PEAK1: variants seen among roughly 807,000 people sequenced by gnomAD.
PEAK1 encodes the protein pseudopodium enriched atypical kinase 1.
In PEAK1, 54 loss-of-function variants were observed where a neutral mutation model predicts 124.7. That is an observed-to-expected ratio of 0.43 (90% CI 0.35 to 0.54). PEAK1 has a LOEUF of 0.54. PEAK1 is among the 20% of genes least tolerant of loss of function. The pLI is 0.01. For synonymous variants in PEAK1, 719 were observed against 760.0 expected, an observed-to-expected ratio of 0.95 and a Z score of 0.89; for missense variants, 2,046 against 2,134.5, an observed-to-expected ratio of 0.96 and a Z score of 0.82.
chr15:77,211,356 T>C (rs1202026520), intron 6 of PEAK1, among the ~76,000 whole-genome samples: 2 of 152,178 alleles, frequency 1.3e-5, no homozygotes, highest in African/African-American at 2.4e-5. Context: ...AAAGGAATAC[T>C]GTGGCTTGAT....
chr15:77,398,065 C>CA (rs1374947191), intron 1 of PEAK1, among the ~76,000 whole-genome samples: 2 of 151,686 alleles, frequency 1.3e-5, no homozygotes, highest in Non-Finnish European at 2.9e-5. Context: ...AACTCCATCT[C>CA]AAAAAAATAA....
At position 77,191,361 on chromosome 15, in the gene PEAK1, G is replaced by T. The variant is rs541267328; in HGVS notation, c.-114-9321C>A. 2.1e-4 allele frequency among the ~76,000 whole-genome samples: 32 copies of T among 152,224 alleles called. 1 individual carries two copies. The South Asian group carries it at 5.4e-3, about 26-fold the overall frequency. ...TTATTAAATTTCTACATCCAGCGGA[G>T]GCCAGGAAGGGGTATGATCCCTCTA... On this transcript the variant is annotated intron_variant, in intron 6 of 9. Coordinates refer to ENST00000682557, the MANE Select transcript of PEAK1 (RefSeq NM_001385026.1).
chr15:77,415,418 T>A (rs1030385660), intron 1 of PEAK1, among the ~76,000 whole-genome samples: 8 of 152,172 alleles, frequency 5.3e-5, no homozygotes, highest in African/African-American at 1.9e-4. Context: ...TTTACCTGGC[T>A]TTTTTGTTTG....
intron 2 of PEAK1, among the ~76,000 whole-genome samples, chr15:77,315,431 G>A (rs2064808281): frequency 6.6e-6 from 1 of 152,036 alleles, no homozygotes; most frequent in Non-Finnish European, 1.5e-5. Context: ...GAGTTACTTA[G>A]CATTTCGAGT....
intron 2 of PEAK1, among the ~76,000 whole-genome samples, chr15:77,325,961 G>C (rs1488952465): frequency 2.0e-5 from 3 of 151,736 alleles, no homozygotes; most frequent in Non-Finnish European, 4.4e-5. Context: ...CAGAGAACTA[G>C]TACAAATTTA....
At chr15:77,285,686 A>G (rs930665295) in intron 3 of PEAK1, among the ~76,000 whole-genome samples, 3 of 152,106 alleles carry the variant, frequency 2.0e-5, no homozygotes, top group Non-Finnish European at 4.4e-5. Context: ...TTCATAGTTA[A>G]GTTGCTAATC....
At chr15:77,401,547 C>A in intron 1 of PEAK1, 4 of 976,784 alleles carry the variant, frequency 4.1e-6, no homozygotes, top group Non-Finnish European at 4.9e-6. Context: ...TCTTTTGTTT[C>A]TTAAAAAACT....
At chr15:77,338,066 C>T (rs1010726474) in intron 2 of PEAK1, 1 of 982,638 alleles carries the variant, frequency 1.0e-6, no homozygotes, top group Non-Finnish European at 1.2e-6. Context: ...GCTTTTTTAG[C>T]TATTGGACTC....
intron 1 of PEAK1, among the ~76,000 whole-genome samples, chr15:77,381,901 G>A (rs540065888): frequency 1.1e-4 from 16 of 152,284 alleles, no homozygotes; most frequent in African/African-American, 3.6e-4. Flanking sequence ...TAAAAGAAAT[G>A]AGATGCTTTG....
chr15:77,416,580 T>G (rs1320977778), intron 1 of PEAK1, among the ~76,000 whole-genome samples: 2 of 152,318 alleles, frequency 1.3e-5, no homozygotes, highest in Admixed American at 6.5e-5. Flanking sequence ...CCCGCAACTT[T>G]TGGAATTAAG....
chr15:77,276,148 CAAAAG>C (rs2062313048), intron 5 of PEAK1, among the ~76,000 whole-genome samples: 1 of 151,960 alleles, frequency 6.6e-6, no homozygotes. Flanking sequence ...ATCAGAGTCT[CAAAAG>C]GAAAGGAGAA....
chr15:77,242,504 T>C (rs2060403512), intron 6 of PEAK1, among the ~76,000 whole-genome samples: 1 of 152,132 alleles, frequency 6.6e-6, no homozygotes, highest in African/African-American at 2.4e-5. Flanking sequence ...TTTGAGGAAA[T>C]GTAACAGGAG....
intron 2 of PEAK1, among the ~76,000 whole-genome samples, chr15:77,344,476 A>G (rs573335963): frequency 1.4e-4 from 21 of 152,332 alleles, no homozygotes. Flanking sequence ...TTTTTGCAGT[A>G]AGTTTTGACA....
chr15:77,313,640 A>ATG (rs1298114830), intron 2 of PEAK1, among the ~76,000 whole-genome samples: 2 of 78,532 alleles, frequency 2.5e-5, no homozygotes, highest in South Asian at 4.0e-4. Context: ...TAATGTATGT[A>ATG]TGTATGTATG....
chr15:77,183,825 T>A (rs947543842), intron 6 of PEAK1, among the ~76,000 whole-genome samples: 1 of 152,162 alleles, frequency 6.6e-6, no homozygotes, highest in African/African-American at 2.4e-5. Flanking sequence ...CAAATATATA[T>A]GATTTTTGAT....
At chr15:77,382,237 C>A (rs1482686469) in intron 1 of PEAK1, among the ~76,000 whole-genome samples, 1 of 152,182 alleles carries the variant, frequency 6.6e-6, no homozygotes, top group Non-Finnish European at 1.5e-5. Flanking sequence ...GGGCAAAGTT[C>A]TGACTTGACA....
chr15:77,106,977 TATTTA>T (rs926133079), downstream of PEAK1: 1 of 152,180 alleles, frequency 6.6e-6, no homozygotes, highest in Non-Finnish European at 1.5e-5. Context: ...CAGCTTTTAA[TATTTA>T]ATTTAATCAC....
At chr15:77,410,157 G>A (rs1034201704) in intron 1 of PEAK1, among the ~76,000 whole-genome samples, 1 of 151,024 alleles carries the variant, frequency 6.6e-6, no homozygotes, top group African/African-American at 2.4e-5. Context: ...CCATGATCTC[G>A]GCTCACTGGA....
intron 5 of PEAK1, among the ~76,000 whole-genome samples, chr15:77,265,053 T>C (rs956308794): frequency 7.2e-5 from 11 of 152,196 alleles, no homozygotes; most frequent in Non-Finnish European, 1.3e-4. Context: ...TCTAGCCATA[T>C]GTAGAAAGCT....
Sources: gnomAD v4.1 joint callset for allele counts (sites outside exome capture counted in the v4.1 genomes callset) on GRCh38, gnomAD v4.1.1 for gene constraint, MANE v1.5 for transcripts, NCBI Gene and HGNC (gene_info 2026-07-23, HGNC 2026-07-21) for gene names.